SPOCD1: variants seen among roughly 807,000 people sequenced by gnomAD.
SPOCD1 encodes SPOC domain-containing protein 1.
A neutral mutation model predicts 92.2 loss-of-function variants in SPOCD1; 64 were observed. The observed-to-expected ratio is 0.69, with a 90% CI of 0.57 to 0.86. SPOCD1 has a LOEUF of 0.86. SPOCD1 is among the 40% of genes least tolerant of loss of function. SPOCD1 has a pLI of 0.00. For missense variants in SPOCD1, 1,360 were observed against 1,543.1 expected (o/e 0.88, Z 1.99); for synonymous variants, 578 against 619.3 (o/e 0.93, Z 0.99).
intron 7 of SPOCD1, 91 bp downstream of exon 7, chr1:31,799,310 C>T: frequency 8.5e-7 from 1 of 1,173,430 alleles, no homozygotes; most frequent in Non-Finnish European, 1.2e-6. Context: ...GCCAGACACC[C>T]AGAAGCCCTT....
At position 31,799,418 on chromosome 1, in the gene SPOCD1, C is replaced by G; in HGVS notation, c.1851G>C (p.Gln617His). The change falls in exon 7 of 16, where the codon CAG (glutamine) becomes CAC (histidine). Residue 617 changes from glutamine (Q) to histidine (H), a missense_variant. Coordinates refer to ENST00000360482, the MANE Select transcript of SPOCD1 (RefSeq NM_144569.7). ...GGCCTCACCGAGTCCATAGTACCTC[C>G]TGCATGGAACGGACAACAGTGCCCC... ...GVRGTVVRSM[Q>H]EVLWTRLREL... 2 of 1,610,694 alleles carry G rather than the reference C, an allele frequency of 1.2e-6. No homozygotes were observed. Among genetic ancestry groups the G allele is most frequent in the Non-Finnish European group, 1.7e-6 (2 of 1,178,690 alleles).
In SPOCD1 at chr1:31,814,202, G is replaced by C; in HGVS notation, c.1132C>G (p.Gln378Glu). ...GTGTCAGCGGGGGCAGCGAGTCCTT[G>C]CTCCAGCCTTCCCCTGGAAGCTGGC... is the stretch of plus-strand genomic sequence containing the variant. ...AQPASRGRLE[Q>E]GLAAPADTCA... Residue 378 changes from glutamine to glutamate, a missense_variant, in exon 2 of 16, where the codon CAA (glutamine) becomes GAA (glutamate). This residue lies in a region of SPOCD1 where 606 missense variants were observed against 601.5 expected (regional missense o/e 1.01). Transcript: ENST00000360482. This position sits in a 1 kb window ranked among gnomAD's most constrained non-coding sequence, Gnocchi z 4.2. 6.4e-7 allele frequency: 1 copy of C among 1,573,598 alleles called. No individual in the cohort carries two copies. Among genetic ancestry groups the C allele is most frequent in the African/African-American group, 1.3e-5 (1 of 74,368 alleles).
chr1:31,792,963 C>T (rs999820580), intron 13 of SPOCD1, among the ~76,000 whole-genome samples, 196 bp from the exon 14 acceptor site: 2 of 152,164 alleles, frequency 1.3e-5, no homozygotes, highest in Non-Finnish European at 2.9e-5. Context: ...TACAACTTCT[C>T]CAAAGCCCCT....
In SPOCD1 at chr1:31,799,441, C is replaced by G. The variant is rs1191333064; in HGVS notation, c.1828G>C (p.Gly610Arg). 5 of 1,611,868 alleles carry G rather than the reference C, an allele frequency of 3.1e-6. No individual in the cohort carries two copies. The African/African-American group carries it at 6.7e-5, about 22-fold the overall frequency. The stretch of plus-strand genomic sequence containing the variant: ...TCCTGCATGGAACGGACAACAGTGC[C>G]CCGCACCCCAATATACAGGGATGGC... Reference protein sequence around the residue: ...EKPSLYIGVRGTVVRSMQEVL... With the variant: ...EKPSLYIGVRRTVVRSMQEVL... Residue 610 changes from glycine (G) to arginine (R), a missense_variant, in exon 7 of 16, where the codon GGC becomes CGC. Physicochemically the swap from Gly to Arg is moderately radical, Grantham distance 125. Coordinates refer to ENST00000360482, the MANE Select transcript of SPOCD1 (RefSeq NM_144569.7).
intron 2 of SPOCD1, among the ~76,000 whole-genome samples, chr1:31,810,027 G>A (rs138065042): frequency 8.5e-4 from 130 of 152,178 alleles, no homozygotes; most frequent in Non-Finnish European, 1.6e-3. Context: ...CTCACCTGCT[G>A]AACACCTACT....
At chr1:31,805,874 AT>A (rs1648786902) in intron 2 of SPOCD1, among the ~76,000 whole-genome samples, 2 of 152,236 alleles carry the variant, frequency 1.3e-5, no homozygotes, top group African/African-American at 4.8e-5. Context: ...TATGAGACCC[AT>A]TTCTAAAACA....
chr1:31,793,506 C>A, intron 12 of SPOCD1, 78 bp from the exon 13 acceptor site: 4 of 1,534,386 alleles, frequency 2.6e-6, no homozygotes, highest in Non-Finnish European at 3.5e-6. Context: ...CTTTTCAGAG[C>A]AGATCCTGTG....
At chr1:31,811,076 CCTCTGATATCAGA>C (rs1649166335) in intron 2 of SPOCD1, among the ~76,000 whole-genome samples, 1 of 152,228 alleles carries the variant, frequency 6.6e-6, no homozygotes, top group Admixed American at 6.5e-5. Flanking sequence ...ACACGGCCAG[CCTCTGATATCAGA>C]CTCCTGGCAG....
chr1:31,803,831 G>A (rs1258848621), intron 2 of SPOCD1, among the ~76,000 whole-genome samples: 1 of 150,678 alleles, frequency 6.6e-6, no homozygotes, highest in Non-Finnish European at 1.5e-5. Context: ...GAAGGAGGAG[G>A]AGGAGGGAAA....
intron 2 of SPOCD1, 145 bp downstream of exon 2, chr1:31,813,806 T>TTTCC: frequency 1.5e-6 from 1 of 671,980 alleles, no homozygotes; most frequent in East Asian, 3.0e-5. Context: ...TTTGTGGGCC[T>TTTCC]CATTTTACCC....
chr1:31,800,722 G>A, intron 3 of SPOCD1, 105 bp from the exon 4 acceptor site: 1 of 1,025,972 alleles, frequency 9.7e-7, no homozygotes, highest in Non-Finnish European at 1.4e-6. Context: ...TCCCACTGGA[G>A]TGTAAGCTCC....
At chr1:31,797,381 C>T (rs940831318) in intron 9 of SPOCD1, among the ~76,000 whole-genome samples, 7 of 152,226 alleles carry the variant, frequency 4.6e-5, no homozygotes, top group African/African-American at 1.4e-4. Context: ...AGGAGGCCCA[C>T]GCTTGGTTTA....
intron 13 of SPOCD1, 125 bp downstream of exon 13, chr1:31,793,153 G>A: frequency 1.6e-6 from 2 of 1,240,678 alleles, no homozygotes; most frequent in Middle Eastern, 2.8e-4. Context: ...CCCTGCACAG[G>A]GCCAGGCACA....
At chr1:31,792,499 G>GT (rs1647674160) in intron 14 of SPOCD1, 98 bp from the exon 15 acceptor site, 1 of 1,350,002 alleles carries the variant, frequency 7.4e-7, no homozygotes, top group Non-Finnish European at 1.0e-6. Flanking sequence ...CCGTGAGAAA[G>GT]TATGTCTCCA....
intron 4 of SPOCD1, 63 bp from the exon 5 acceptor site, chr1:31,800,204 A>C (rs1290367867): frequency 6.6e-7 from 1 of 1,525,838 alleles, no homozygotes; most frequent in African/African-American, 1.4e-5. Context: ...TTCCCTCCCC[A>C]GATGTACTGG....
intron 9 of SPOCD1, among the ~76,000 whole-genome samples, chr1:31,797,982 C>CT (rs1404468967): frequency 1.3e-5 from 2 of 152,216 alleles, no homozygotes; most frequent in African/African-American, 4.8e-5. Context: ...TGTCACATCT[C>CT]TACCAAGCTC....
intron 2 of SPOCD1, among the ~76,000 whole-genome samples, chr1:31,812,346 C>T (rs939860295): frequency 1.3e-5 from 2 of 152,194 alleles, no homozygotes; most frequent in Admixed American, 6.5e-5. Context: ...CAGCCCTCAT[C>T]CCGACAGCGC....
intron 9 of SPOCD1, among the ~76,000 whole-genome samples, chr1:31,797,832 C>T (rs1284902932): frequency 1.3e-5 from 2 of 152,118 alleles, no homozygotes; most frequent in Non-Finnish European, 2.9e-5. Flanking sequence ...CCTGGGGTAC[C>T]AGGAAGACCT....
In SPOCD1 at chr1:31,794,062, G is replaced by A. The variant is rs544868367; in HGVS notation, c.2383+62C>T. On this transcript the variant is annotated intron_variant, in intron 11 of 15. Transcript: ENST00000360482. ...CAGGCCACAAATCCCTGTTGCTGCT[G>A]AACTGCACGCTCAGCCCCAGCCTGG... 3 of 1,560,008 alleles carry A rather than the reference G, an allele frequency of 1.9e-6. No homozygotes were observed. In the South Asian group the frequency reaches 3.4e-5, roughly 18 times the overall value.
Sources: allele counts gnomAD v4.1 joint callset (sites outside exome capture counted in the v4.1 genomes callset), GRCh38; gene constraint gnomAD v4.1.1; regional missense constraint gnomAD v4.1.1; non-coding constraint Gnocchi (gnomAD v3.1); transcripts MANE v1.5; gene names NCBI Gene and HGNC (gene_info 2026-07-23, HGNC 2026-07-21).